The following ZNF521 variants were observed in gnomAD, a reference collection of about 807,000 sequenced individuals.
The protein encoded by ZNF521 is zinc finger protein 521.
Under a neutral mutation model 105.5 loss-of-function variants are expected in ZNF521, and 14 were observed. The ratio of observed to expected loss-of-function variants is 0.13; its 90% confidence interval spans 0.09 to 0.21. The LOEUF (loss-of-function observed/expected upper bound fraction) is 0.21. ZNF521 is among the 10% of genes least tolerant of loss of function. ZNF521 has a pLI of 1.00. For synonymous variants in ZNF521, 635 were observed against 606.0 expected (o/e 1.05, Z -0.70); for missense variants, 1,233 against 1,629.7 (o/e 0.76, Z 4.19).
At chr18:25,092,846 G>A (rs1208383250) in intron 5 of ZNF521, among the ~76,000 whole-genome samples, 1 of 152,100 alleles carries the variant, frequency 6.6e-6, no homozygotes, top group African/African-American at 2.4e-5. Context: ...GAGAGTTTGT[G>A]TTATACATAG....
intron 4 of ZNF521, among the ~76,000 whole-genome samples, chr18:25,197,491 A>G (rs1337237272): frequency 6.6e-6 from 1 of 151,836 alleles, no homozygotes; most frequent in South Asian, 2.1e-4. Context: ...AGCATATCTC[A>G]TTATAATTAT....
intron 3 of ZNF521, among the ~76,000 whole-genome samples, chr18:25,299,136 GA>G (rs1368914649): frequency 6.6e-6 from 1 of 152,220 alleles, no homozygotes; most frequent in African/African-American, 2.4e-5. Flanking sequence ...GATGCAGAAG[GA>G]AACTGACTCA....
At chr18:25,341,160 A>G (rs1914181007) in intron 2 of ZNF521, among the ~76,000 whole-genome samples, 1 of 152,188 alleles carries the variant, frequency 6.6e-6, no homozygotes, top group Non-Finnish European at 1.5e-5. Context: ...ATGATTCAGT[A>G]AAAGTTTATT....
At chr18:25,316,847 CTTTTTTTTTT>C (rs200212987) in intron 3 of ZNF521, among the ~76,000 whole-genome samples, 9,980 of 127,254 alleles carry the variant, frequency 0.078, 442 homozygotes, top group Non-Finnish European at 0.094. Context: ...GCAAGTAAGA[CTTTTTTTTTT>C]TTTTTTTTTT....
At position 25,225,878 on chromosome 18, in the gene ZNF521, C is replaced by T; in HGVS notation, c.2040G>A (p.Leu680=). Residue 680 remains leucine, a synonymous_variant, in exon 4 of 8, where the codon CTG becomes CTA. Coordinates refer to ENST00000361524, the MANE Select transcript of ZNF521 (RefSeq NM_015461.3). This position sits in a 1 kb window ranked among gnomAD's most constrained non-coding sequence, Gnocchi z 5.6. ...NKEFPNQESL[L]KHVTIHFMIT... ...TCATAAAGTGAATGGTAACATGCTT[C>T]AGCAAGGATTCTTGGTTGGGGAATT... 1.2e-6 allele frequency: 2 copies of T among 1,614,160 alleles called. No individual in the cohort carries two copies. The highest frequency in any genetic ancestry group is 1.7e-6 in the Non-Finnish European group (2 of 1,180,020).
intron 5 of ZNF521, among the ~76,000 whole-genome samples, chr18:25,100,492 T>C (rs1232606402): frequency 6.6e-6 from 1 of 151,054 alleles, no homozygotes; most frequent in Non-Finnish European, 1.5e-5. Flanking sequence ...CAATGGCACA[T>C]GGGGGTGTTA....
intron 3 of ZNF521, among the ~76,000 whole-genome samples, chr18:25,292,444 T>G (rs1022562873): frequency 6.6e-6 from 1 of 152,222 alleles, no homozygotes; most frequent in African/African-American, 2.4e-5. Flanking sequence ...CAACAAATTC[T>G]TCTCAACACT....
chr18:25,350,037 CGAG>C (rs886918511), intron 2 of ZNF521, among the ~76,000 whole-genome samples: 10 of 151,326 alleles, frequency 6.6e-5, no homozygotes, highest in African/African-American at 1.2e-4. Context: ...AGGAGGCGGC[CGAG>C]GAGGAGGAGG....
At chr18:25,338,849 C>A (rs1178950959) in intron 2 of ZNF521, among the ~76,000 whole-genome samples, 1 of 152,152 alleles carries the variant, frequency 6.6e-6, no homozygotes, top group African/African-American at 2.4e-5. Context: ...AGATGACTAA[C>A]ATATATTTTC....
intron 3 of ZNF521, among the ~76,000 whole-genome samples, chr18:25,243,825 G>C (rs1232926883): frequency 1.3e-5 from 2 of 152,082 alleles, no homozygotes; most frequent in African/African-American, 4.8e-5. Flanking sequence ...CTTAAGTCTA[G>C]AGAACTTCAC....
At chr18:25,242,733 T>C (rs1907425691) in intron 3 of ZNF521, among the ~76,000 whole-genome samples, 1 of 152,186 alleles carries the variant, frequency 6.6e-6, no homozygotes, top group African/African-American at 2.4e-5. Context: ...ATTCTTGTTC[T>C]ATACTGTGAA....
intron 3 of ZNF521, among the ~76,000 whole-genome samples, chr18:25,305,931 A>C (rs1436022970): frequency 6.6e-6 from 1 of 152,244 alleles, no homozygotes; most frequent in Non-Finnish European, 1.5e-5. Context: ...CTACCAGCTC[A>C]TTTAATTGCC....
chr18:25,316,514 C>A (rs1201819601), intron 3 of ZNF521, among the ~76,000 whole-genome samples: 1 of 151,978 alleles, frequency 6.6e-6, no homozygotes, highest in Admixed American at 6.6e-5. Context: ...GACCTCCCAA[C>A]TTACACTAAA....
chr18:25,233,419 C>G (rs900901552), intron 3 of ZNF521, among the ~76,000 whole-genome samples: 14 of 151,648 alleles, frequency 9.2e-5, no homozygotes, highest in Non-Finnish European at 1.3e-4. Context: ...AAACGAATAC[C>G]CTTTACTGGG....
chr18:25,231,744 G>A (rs934423342), intron 3 of ZNF521, among the ~76,000 whole-genome samples: 11 of 152,188 alleles, frequency 7.2e-5, no homozygotes, highest in Non-Finnish European at 1.6e-4. Context: ...TAATGTTAAT[G>A]CTTACTTTGT....
chr18:25,212,569 A>G (rs533452838), intron 4 of ZNF521, among the ~76,000 whole-genome samples: 15 of 133,736 alleles, frequency 1.1e-4, no homozygotes, highest in African/African-American at 4.2e-4. Context: ...ATATATATGT[A>G]TAGAAACATA....
intron 3 of ZNF521, among the ~76,000 whole-genome samples, chr18:25,309,105 G>C (rs1231542961): frequency 1.3e-5 from 2 of 152,152 alleles, no homozygotes; most frequent in Non-Finnish European, 2.9e-5. Flanking sequence ...GAATTGCAAA[G>C]GGCAGGCAGA....
rs1027022845 is a variant in ZNF521, at chr18:25,224,581, T to C, written c.3337A>G (p.Thr1113Ala). Residue 1113 changes from threonine (T) to alanine (A), a missense_variant, in exon 4 of 8, where the codon ACG becomes GCG. By Grantham distance (58) the Thr-to-Ala change is moderately conservative. Coordinates refer to ENST00000361524, the MANE Select transcript of ZNF521 (RefSeq NM_015461.3). ...TTCTGGCCCAAGCCTGGTCTATTCG[T>C]GCCGGGAGGGACGTTAATGCCTGGG... is the stretch of plus-strand genomic sequence containing the variant. ...ASPGINVPPGTNRPGLGQNEN... is the reference protein window; with the variant it reads ...ASPGINVPPGANRPGLGQNEN... 5 of 1,614,016 alleles carry C rather than the reference T, an allele frequency of 3.1e-6. No individual in the cohort carries two copies. In the Admixed American group the frequency reaches 6.7e-5, roughly 22 times the overall value.
At chr18:25,099,424 A>C (rs1013445766) in intron 5 of ZNF521, among the ~76,000 whole-genome samples, 1 of 152,202 alleles carries the variant, frequency 6.6e-6, no homozygotes, top group African/African-American at 2.4e-5. Flanking sequence ...TGGCAAATAA[A>C]GCATTAACAA....
Sources: allele counts gnomAD v4.1 joint callset (sites outside exome capture counted in the v4.1 genomes callset), GRCh38; gene constraint gnomAD v4.1.1; non-coding constraint Gnocchi (gnomAD v3.1); transcripts MANE v1.5; gene names NCBI Gene and HGNC (gene_info 2026-07-23, HGNC 2026-07-21).